Variants in MAP2K1 observed in about 807,000 individuals in gnomAD.
MAP2K1 encodes mitogen-activated protein kinase kinase 1.
Under a neutral mutation model 46.3 loss-of-function variants are expected in MAP2K1, and 16 were observed. The ratio of observed to expected loss-of-function variants is 0.35; its 90% CI spans 0.23 to 0.52. MAP2K1 has a LOEUF of 0.52. Ranked by LOEUF, MAP2K1 falls within the 20% of genes least tolerant of loss-of-function variation. MAP2K1 has a pLI of 0.94. For missense variants in MAP2K1, 263 were observed against 497.1 expected (o/e 0.53, Z 4.48); for synonymous variants, 183 against 185.6 (o/e 0.99, Z 0.11).
chr15:66,415,231 C>A, intron 1 of MAP2K1: 1 of 436,768 alleles, frequency 2.3e-6, no homozygotes, highest in South Asian at 1.8e-5. Context: ...GTCCCTGTGT[C>A]ATCTTTTTAA....
intron 1 of MAP2K1, among the ~76,000 whole-genome samples, chr15:66,430,897 T>C (rs886329746): frequency 6.6e-6 from 1 of 152,144 alleles, no homozygotes; most frequent in Non-Finnish European, 1.5e-5. Flanking sequence ...AAAAAGCAAA[T>C]GACAACCCTT....
At chr15:66,484,141 C>CT (rs1182601865) in intron 6 of MAP2K1, among the ~76,000 whole-genome samples, 2 of 148,848 alleles carry the variant, frequency 1.3e-5, no homozygotes, top group African/African-American at 5.1e-5. Context: ...CAGCCACCAC[C>CT]CCCCCCCACC....
chr15:66,459,571 TC>T (rs1892264359), intron 5 of MAP2K1, among the ~76,000 whole-genome samples: 1 of 146,128 alleles, frequency 6.8e-6, no homozygotes. Flanking sequence ...TGAGCCAAGA[TC>T]ACACCACTGC....
At chr15:66,411,425 C>T (rs1006788603) in intron 1 of MAP2K1, among the ~76,000 whole-genome samples, 2 of 152,122 alleles carry the variant, frequency 1.3e-5, no homozygotes, top group Non-Finnish European at 2.9e-5. Context: ...GAGAGCCCTT[C>T]TCCTTTGGAA....
chr15:66,479,482 C>G (rs1892862318), intron 5 of MAP2K1, among the ~76,000 whole-genome samples: 1 of 152,146 alleles, frequency 6.6e-6, no homozygotes, highest in African/African-American at 2.4e-5. Context: ...TTCTGAAAGT[C>G]TATGTGTAGG....
At chr15:66,428,773 CTTTTTTTTTTTTTTTTT>C (rs1196428468) in intron 1 of MAP2K1, among the ~76,000 whole-genome samples, 1 of 78,196 alleles carries the variant, frequency 1.3e-5, no homozygotes, top group Non-Finnish European at 2.3e-5. Context: ...ATTTTCTTTC[CTTTTTTTTTTTTTTTTT>C]TTTTTTTTTG....
intron 6 of MAP2K1, among the ~76,000 whole-genome samples, chr15:66,483,506 G>A (rs986165182): frequency 6.6e-6 from 1 of 152,176 alleles, no homozygotes; most frequent in South Asian, 2.1e-4. Context: ...GGTCAGTTAC[G>A]AAATAGTCCA....
At chr15:66,474,856 A>G (rs1595881726) in intron 5 of MAP2K1, among the ~76,000 whole-genome samples, 1 of 151,760 alleles carries the variant, frequency 6.6e-6, no homozygotes, top group Admixed American at 6.6e-5. Context: ...GTGAGCTGAG[A>G]TCATGCCACT....
At chr15:66,417,921 C>CT (rs1029393323) in intron 1 of MAP2K1, among the ~76,000 whole-genome samples, 8 of 152,028 alleles carry the variant, frequency 5.3e-5, no homozygotes, top group Non-Finnish European at 7.4e-5. Flanking sequence ...GGCTACTGAC[C>CT]TTTTGCCTTG....
intron 1 of MAP2K1, among the ~76,000 whole-genome samples, chr15:66,392,044 C>G (rs1025296348): frequency 1.3e-5 from 2 of 152,012 alleles, no homozygotes; most frequent in African/African-American, 4.8e-5. Context: ...CCAGGCTGAT[C>G]GAGGCATCGT....
intron 1 of MAP2K1, among the ~76,000 whole-genome samples, chr15:66,392,272 T>TTG (rs2093358283): frequency 1.5e-5 from 2 of 136,418 alleles, no homozygotes; most frequent in Non-Finnish European, 3.2e-5. Flanking sequence ...TTTTTTTTTT[T>TTG]TTTTTTTAAG....
Position 66,387,573 on chromosome 15 carries a change from G to C in MAP2K1, c.80+146G>C, listed in dbSNP as rs1386951459. On this transcript the variant is annotated intron_variant, in intron 1 of 10. Coordinates refer to ENST00000307102, the MANE Select transcript of MAP2K1 (RefSeq NM_002755.4). ...AGAAACTCCCGGCCGCCGAGGTATC[G>C]GTGACTAAGCACTGATTGTGTTCCT... 6 of 788,664 alleles carry C rather than the reference G, an allele frequency of 7.6e-6. 1 individual carries two copies. The East Asian group carries it at 1.6e-4, about 21-fold the overall frequency. The allele number at this position is 788,664 out of a possible 1,614,324, so 48.9% of individuals were successfully genotyped here. A position where few individuals can be genotyped will look rare whatever the true frequency, so the allele number is the denominator to read the frequency against.
chr15:66,423,629 TG>T (rs2093449412), intron 1 of MAP2K1, among the ~76,000 whole-genome samples: 1 of 109,824 alleles, frequency 9.1e-6, no homozygotes, highest in Non-Finnish European at 1.8e-5. Context: ...TTTTTTGAGA[TG>T]GAGTTTCACT....
rs1361965478 is a variant in MAP2K1, at chr15:66,487,271, G to C, written c.939G>C (p.Leu313Phe). Residue 313 changes from leucine to phenylalanine, a missense_variant, in exon 8 of 11, where the codon TTG becomes TTC. Around this residue, in one of 4 missense-constraint regions of MAP2K1, gnomAD observed 118 missense variants for 193.0 expected, o/e 0.61. Coordinates refer to ENST00000307102, the MANE Select transcript of MAP2K1 (RefSeq NM_002755.4). ...GACCTCCCATGGCAATTTTTGAGTT[G>C]TTGGATTACATAGTCAACGAGGTAA... ...DSRPPMAIFE[L>F]LDYIVNEPPP... is the part of the protein sequence containing the mutation. The C allele has an allele frequency of 2.5e-6, 4 of 1,614,066 alleles. No individual in the cohort carries two copies. The highest frequency in any genetic ancestry group is 1.3e-5 in the African/African-American group (1 of 74,908).
At chr15:66,446,865 G>A (rs1164573544) in intron 5 of MAP2K1, 2 of 200,394 alleles carry the variant, frequency 1.0e-5, no homozygotes. Context: ...CTTGACAATG[G>A]TGATGGATAC....
chr15:66,484,181 C>G (rs1290662589), intron 6 of MAP2K1, among the ~76,000 whole-genome samples: 1 of 147,344 alleles, frequency 6.8e-6, no homozygotes, highest in African/African-American at 2.5e-5. Context: ...AGTTTTCGCT[C>G]TTCTTGCCCA....
chr15:66,419,301 C>G (rs1567002330), intron 1 of MAP2K1, among the ~76,000 whole-genome samples: 1 of 152,162 alleles, frequency 6.6e-6, no homozygotes, highest in East Asian at 1.9e-4. Context: ...GGATGGATCA[C>G]CTGAGGTCAG....
chr15:66,430,417 A>C (rs2093472408), intron 1 of MAP2K1, among the ~76,000 whole-genome samples: 1 of 152,196 alleles, frequency 6.6e-6, no homozygotes, highest in African/African-American at 2.4e-5. Flanking sequence ...AGGCTAGAGC[A>C]AGGCTCAGAT....
intron 1 of MAP2K1, among the ~76,000 whole-genome samples, chr15:66,401,636 G>T (rs1006095909): frequency 3.3e-5 from 5 of 152,092 alleles, no homozygotes; most frequent in African/African-American, 1.2e-4. Context: ...ACAAGAAGGA[G>T]GAAACAATGG....
Sources: allele counts gnomAD v4.1 joint callset (sites outside exome capture counted in the v4.1 genomes callset), GRCh38; gene constraint gnomAD v4.1.1; regional missense constraint gnomAD v4.1.1; transcripts MANE v1.5; gene names NCBI Gene and HGNC (gene_info 2026-07-23, HGNC 2026-07-21).